Variants in DNAH2 observed in about 807,000 individuals in gnomAD.
DNAH2 encodes the protein dynein axonemal heavy chain 2.
In DNAH2, 323 loss-of-function variants were observed where a neutral mutation model predicts 523.5. The ratio of observed to expected loss-of-function variants is 0.62; its 90% CI spans 0.56 to 0.68. The LOEUF is 0.68. Among genes scored for constraint, DNAH2 ranks in the 30% least tolerant of loss-of-function variants. The probability of loss-of-function intolerance (pLI) is 0.00; values close to 1 mark genes in which losing one functional copy is unlikely to be tolerated. For missense variants in DNAH2, 4,907 were observed against 5,701.5 expected, an observed-to-expected ratio of 0.86 and a Z score of 4.49; for synonymous variants, 2,093 against 2,177.4, an observed-to-expected ratio of 0.96 and a Z score of 1.08.
chr17:7,721,393 C>T (rs1252089263), intron 2 of DNAH2, among the ~76,000 whole-genome samples: 4 of 152,092 alleles, frequency 2.6e-5, no homozygotes, highest in African/African-American at 7.2e-5. Context: ...AGGCTGGTCT[C>T]GAACTCCTGT....
chr17:7,734,127 G>A lies in DNAH2; in HGVS notation c.629-56G>A, dbSNP rs371945994. 5.5e-5 allele frequency: 81 copies of A among 1,472,668 alleles called. 1 individual carries two copies. The highest frequency in any genetic ancestry group is 5.2e-4 in the Middle Eastern group (3 of 5,762). The allele number at this position is 1,472,668 out of a possible 1,614,324, so 91.2% of individuals were successfully genotyped here. A position where few individuals can be genotyped will look rare whatever the true frequency, so the allele number is the denominator to read the frequency against. Reference sequence around the variant, plus strand: ...ACCGATCATCAACCGTGATTCCTACGGGGCCAGCAAGAACTCATCCCCTCT... The same window carrying A: ...ACCGATCATCAACCGTGATTCCTACAGGGCCAGCAAGAACTCATCCCCTCT... On this transcript the variant is annotated intron_variant, in intron 5 of 85. Coordinates refer to ENST00000572933, the MANE Select transcript of DNAH2 (RefSeq NM_020877.5).
At chr17:7,830,264 G>A (rs374636735) in intron 77 of DNAH2, 36 bp from the exon 78 acceptor site, 92 of 1,588,250 alleles carry the variant, frequency 5.8e-5, no homozygotes, top group Non-Finnish European at 7.0e-5. Context: ...TGAGTGTGAT[G>A]CATGTCACCC....
intron 7 of DNAH2, among the ~76,000 whole-genome samples, chr17:7,736,154 T>C (rs1000698790): frequency 1.3e-5 from 2 of 151,996 alleles, no homozygotes; most frequent in Non-Finnish European, 1.5e-5. Context: ...AGATTATAGG[T>C]GTGAGCCACC....
intron 1 of DNAH2, 40 bp from the exon 2 acceptor site, chr17:7,719,681 G>A: frequency 1.2e-6 from 2 of 1,612,310 alleles, no homozygotes; most frequent in Non-Finnish European, 1.7e-6. Flanking sequence ...GTTCAGGGGT[G>A]GTATCTGCTT....
chr17:7,830,552 C>T (rs2078142242), intron 78 of DNAH2, 61 bp downstream of exon 78: 11 of 1,604,754 alleles, frequency 6.9e-6, no homozygotes, highest in Non-Finnish European at 9.4e-6. Flanking sequence ...TACCCCATGG[C>T]TCCCCTGTGG....
Position 7,780,984 on chromosome 17 carries a change from A to T in DNAH2, c.6004-58A>T. The T allele has an allele frequency of 6.2e-7, 1 of 1,611,460 alleles. No individual in the cohort carries two copies. Among genetic ancestry groups the T allele is most frequent in the Non-Finnish European group, 8.5e-7 (1 of 1,179,300 alleles). On this transcript the variant is annotated intron_variant, in intron 38 of 85. Transcript: ENST00000572933. This position sits in a 1 kb window ranked among gnomAD's most constrained non-coding sequence, Gnocchi z 4.4. ...TGGCACGTGCCCCGAAGCCCTTTGG[A>T]GGTGAAAGGCCTAGGCCCTGCCTCC...
intron 47 of DNAH2, 33 bp from the exon 48 acceptor site, chr17:7,792,948 G>A (rs754141052): frequency 7.5e-6 from 12 of 1,600,802 alleles, no homozygotes; most frequent in South Asian, 1.1e-5. Context: ...TCTCTCAGGG[G>A]ACCCACACAT....
In DNAH2 at chr17:7,740,984, G is replaced by A. The variant is rs777906978; in HGVS notation, c.1681G>A (p.Val561Ile). 7.5e-6 allele frequency: 12 copies of A among 1,599,342 alleles called. 1 individual carries two copies. The South Asian group carries it at 8.8e-5, about 12-fold the overall frequency. The change falls in exon 11 of 86, where the codon GTC becomes ATC. Residue 561 changes from valine (V) to isoleucine (I), a missense_variant. Transcript: ENST00000572933. ...VHILRRRIDR[V>I]MTCLAGAHFL... The stretch of plus-strand genomic sequence containing the variant: ...CATCCTCCGGCGTCGCATCGACAGA[G>A]TCATGACCGTAAGTGCCTGGCCTTC...
chr17:7,753,736 T>G (rs1459465394), intron 12 of DNAH2, among the ~76,000 whole-genome samples: 1 of 151,894 alleles, frequency 6.6e-6, no homozygotes, highest in Admixed American at 6.6e-5. Flanking sequence ...TCACCTGAGG[T>G]CAGGAGTTCG....
chr17:7,801,542 G>C (rs2077221853), intron 56 of DNAH2, 36 bp from the exon 57 acceptor site: 7 of 1,612,972 alleles, frequency 4.3e-6, no homozygotes, highest in Non-Finnish European at 5.9e-6. Context: ...CTGTGTCTGT[G>C]CACGGAATTT....
At chr17:7,787,075 C>T (rs1230175288) in intron 42 of DNAH2, 42 bp downstream of exon 42, 2 of 1,608,184 alleles carry the variant, frequency 1.2e-6, no homozygotes, top group Admixed American at 1.7e-5. Context: ...CAGAGGCAGG[C>T]ACCGGAGGGC....
chr17:7,723,780 C>G (rs952228749), intron 3 of DNAH2, 91 bp downstream of exon 3: 13 of 1,117,060 alleles, frequency 1.2e-5, no homozygotes, highest in Non-Finnish European at 1.8e-5. Context: ...GGAATTCTCT[C>G]TTGTCTGCCA....
chr17:7,733,477 T>TC (rs2075052111), intron 5 of DNAH2, among the ~76,000 whole-genome samples, 162 bp downstream of exon 5: 1 of 139,414 alleles, frequency 7.2e-6, no homozygotes, highest in African/African-American at 2.7e-5. Context: ...TTCTTCTTCT[T>TC]TTTTTTTTTT....
chr17:7,801,765 T>C, intron 57 of DNAH2, 55 bp downstream of exon 57: 1 of 1,607,928 alleles, frequency 6.2e-7, no homozygotes, highest in Non-Finnish European at 8.5e-7. Flanking sequence ...CTCCCCCGCC[T>C]CTCATCTCTC....
chr17:7,801,506 C>A, intron 56 of DNAH2, 72 bp from the exon 57 acceptor site: 1 of 1,593,676 alleles, frequency 6.3e-7, no homozygotes, highest in Non-Finnish European at 8.6e-7. Flanking sequence ...TGAGTGGATG[C>A]GTGTTGGGAA....
rs769335715 is a variant in DNAH2, at chr17:7,821,359, G to A, written c.11132G>A (p.Arg3711His). 1.2e-5 allele frequency: 20 copies of A among 1,612,892 alleles called. No individual in the cohort carries two copies. The highest frequency in any genetic ancestry group is 9.3e-5 in the African/African-American group (7 of 74,890). Residue 3711 changes from arginine (R) to histidine (H), a missense_variant, in exon 73 of 86, where the codon CGT (arginine) becomes CAT (histidine). Physicochemically the swap from Arg to His is conservative, Grantham distance 29. Transcript: ENST00000572933. The surrounding 1 kb of genome is among the most constrained non-coding windows in gnomAD (Gnocchi z 5.0). ...ATGGATGAATACAACTTCTTTCTAC[G>A]TGGGGGTGTGGTGAGTTGGGCAGAG... ...LNMDEYNFFL[R>H]GGVVLDREGQ...
chr17:7,789,697 C>T (rs2076842961), intron 44 of DNAH2, among the ~76,000 whole-genome samples: 1 of 152,042 alleles, frequency 6.6e-6, no homozygotes, highest in Admixed American at 6.5e-5. Flanking sequence ...CTGCCTCAGC[C>T]TCCTGAGTAG....
chr17:7,768,787 G>A lies in DNAH2; in HGVS notation c.3941+520G>A, dbSNP rs534890489. On this transcript the variant is annotated intron_variant, in intron 24 of 85. Transcript: ENST00000572933. Reference sequence around the variant, plus strand: ...GACTTTACATATGACATATGAGTGCGATCATGCGGTGTTTGTCTTTCTTCG... The same window carrying A: ...GACTTTACATATGACATATGAGTGCAATCATGCGGTGTTTGTCTTTCTTCG... Among the ~76,000 whole-genome samples the A allele has an allele frequency of 2.0e-4, 31 of 152,270 alleles. No homozygotes were observed. In the South Asian group the frequency reaches 5.8e-3, roughly 28 times the overall value.
Position 7,787,792 on chromosome 17 carries a change from G to T in DNAH2, c.6604-68G>T, listed in dbSNP as rs16956952. On this transcript the variant is annotated intron_variant, in intron 42 of 85. Coordinates refer to ENST00000572933, the MANE Select transcript of DNAH2 (RefSeq NM_020877.5). The stretch of plus-strand genomic sequence containing the variant: ...TGAACTTGTAGCATCCGAGTTCCGG[G>T]TGTTTTATTATTCCTGAAGGTGGGG... 13,818 of 1,511,008 alleles carry T rather than the reference G, an allele frequency of 9.1e-3. 189 individuals are homozygous for T. Among genetic ancestry groups the T allele is most frequent in the African/African-American group, 0.059 (4,207 of 71,430 alleles). 93.6% of individuals were successfully genotyped at this position (1,511,008 alleles called of 1,614,324 possible).
Sources: gnomAD v4.1 joint callset for allele counts (sites outside exome capture counted in the v4.1 genomes callset) on GRCh38, gnomAD v4.1.1 for gene constraint, Gnocchi (gnomAD v3.1) non-coding constraint, MANE v1.5 for transcripts, NCBI Gene and HGNC (gene_info 2026-07-23, HGNC 2026-07-21) for gene names.